ENTREP2: variants seen among roughly 807,000 people sequenced by gnomAD.
The protein encoded by ENTREP2 is endosomal transmembrane epsin interactor 2, also known as protein ENTREP2.
chr15:29,437,713 C>T, the ENTREP2 span, among the ~76,000 whole-genome samples: 2 of 152,192 alleles, frequency 1.3e-5, no homozygotes, highest in African/African-American at 2.4e-5. Flanking sequence ...AAAGTAAATG[C>T]AAATCCCCTT....
the ENTREP2 span, among the ~76,000 whole-genome samples, chr15:29,243,022 G>A: frequency 6.6e-6 from 1 of 152,232 alleles, no homozygotes. Flanking sequence ...GAAGCTGGAG[G>A]AGCCAGATGA....
At chr15:29,508,666 T>C in the ENTREP2 span, among the ~76,000 whole-genome samples, 92 of 152,276 alleles carry the variant, frequency 6.0e-4, no homozygotes, top group African/African-American at 2.0e-3. Context: ...ATTATCTCAA[T>C]AGATGCAGAA....
At chr15:29,482,268 C>A in the ENTREP2 span, among the ~76,000 whole-genome samples, 1 of 151,714 alleles carries the variant, frequency 6.6e-6, no homozygotes, top group East Asian at 1.9e-4. Flanking sequence ...CTTCAGCCTC[C>A]CAAAGTGCTG....
chr15:29,288,358 C>T, the ENTREP2 span, among the ~76,000 whole-genome samples: 26 of 152,282 alleles, frequency 1.7e-4, no homozygotes, highest in East Asian at 3.3e-3. Context: ...TTGACTGTAA[C>T]GCCCAGCACA....
chr15:29,603,985 T>G, the ENTREP2 span, among the ~76,000 whole-genome samples: 1 of 152,044 alleles, frequency 6.6e-6, no homozygotes, highest in Non-Finnish European at 1.5e-5. Context: ...AACATATGAA[T>G]TAAATATATC....
chr15:29,653,933 C>T, the ENTREP2 span, among the ~76,000 whole-genome samples: 240 of 152,260 alleles, frequency 1.6e-3, 1 homozygote, highest in Admixed American at 3.7e-3. Context: ...TCTAATGTGT[C>T]CCTTATTACT....
chr15:29,490,042 AAT>A, the ENTREP2 span, among the ~76,000 whole-genome samples: 1 of 152,250 alleles, frequency 6.6e-6, no homozygotes, highest in African/African-American at 2.4e-5. Context: ...ATGGAAAATG[AAT>A]TATATAGTCA....
At chr15:29,390,796 AAAGGCAACTGATAGTGAAGC>A in the ENTREP2 span, among the ~76,000 whole-genome samples, 1 of 152,226 alleles carries the variant, frequency 6.6e-6, no homozygotes, top group Non-Finnish European at 1.5e-5. Flanking sequence ...AGTCTGGTCC[AAAGGCAACTGATAGTGAAGC>A]AAGTCCTTCT....
chr15:29,368,142 T>C, the ENTREP2 span, among the ~76,000 whole-genome samples: 1 of 151,900 alleles, frequency 6.6e-6, no homozygotes, highest in African/African-American at 2.4e-5. Flanking sequence ...CTGGCTGACA[T>C]GGTGAAACTC....
the ENTREP2 span, chr15:29,376,563 C>CAT: frequency 1.1e-4 from 16 of 151,842 alleles, no homozygotes; most frequent in African/African-American, 3.6e-4. Context: ...CACACACACA[C>CAT]ACACACACAC....
chr15:29,150,055 G>A, the ENTREP2 span, among the ~76,000 whole-genome samples: 2 of 152,168 alleles, frequency 1.3e-5, no homozygotes. Context: ...TTGCTGCGAC[G>A]TCCCAGTGAC....
chr15:29,447,984 T>G, the ENTREP2 span, among the ~76,000 whole-genome samples: 1 of 152,056 alleles, frequency 6.6e-6, no homozygotes, highest in Non-Finnish European at 1.5e-5. Context: ...GAGAATCACT[T>G]GAACCCGGGA....
the ENTREP2 span, among the ~76,000 whole-genome samples, chr15:29,184,326 G>A: frequency 1.3e-5 from 2 of 152,202 alleles, no homozygotes; most frequent in Non-Finnish European, 2.9e-5. Flanking sequence ...ACTTTCAGAT[G>A]TGCCAGGAGA....
the ENTREP2 span, among the ~76,000 whole-genome samples, chr15:29,656,206 T>C: frequency 2.0e-5 from 3 of 151,606 alleles, no homozygotes; most frequent in Admixed American, 1.3e-4. Context: ...ATCTGTGCTA[T>C]CAATATAAGA....
the ENTREP2 span, among the ~76,000 whole-genome samples, chr15:29,669,877 C>G: frequency 3.9e-4 from 59 of 152,310 alleles, no homozygotes; most frequent in Admixed American, 1.5e-3. Flanking sequence ...CTGTACGTGG[C>G]AGTGGCTGTC....
chr15:29,628,465 G>C, the ENTREP2 span, among the ~76,000 whole-genome samples: 8 of 152,136 alleles, frequency 5.3e-5, no homozygotes, highest in African/African-American at 1.9e-4. Flanking sequence ...GTTCCACGGT[G>C]CTTGAAAAGA....
chr15:29,647,982 C>T, the ENTREP2 span, among the ~76,000 whole-genome samples: 14 of 152,262 alleles, frequency 9.2e-5, no homozygotes, highest in African/African-American at 3.1e-4. Context: ...TAACTTGACT[C>T]CTCCATGAAC....
the ENTREP2 span, among the ~76,000 whole-genome samples, chr15:29,583,725 C>A: frequency 2.0e-5 from 3 of 152,056 alleles, no homozygotes; most frequent in Admixed American, 1.3e-4. Flanking sequence ...AATCTTGTTC[C>A]CCATAATCCC....
the ENTREP2 span, among the ~76,000 whole-genome samples, chr15:29,538,565 C>T: frequency 7.0e-5 from 10 of 143,656 alleles, no homozygotes; most frequent in South Asian, 2.3e-4. Context: ...GAGGCTGAGG[C>T]GGGCAGATCA....
Sources: gnomAD v4.1 joint callset for allele counts (sites outside exome capture counted in the v4.1 genomes callset) on GRCh38, gnomAD v4.1.1 for gene constraint, MANE v1.5 for transcripts, NCBI Gene and HGNC (gene_info 2026-07-23, HGNC 2026-07-21) for gene names.